TNR: variants seen among roughly 807,000 people sequenced by gnomAD.
TNR encodes the protein tenascin-R.
TNR carries 45 observed loss-of-function variants against 150.4 expected under a neutral mutation model. The observed-to-expected ratio is 0.30, with a 90% CI of 0.24 to 0.38. TNR has a LOEUF of 0.38. Ranked by LOEUF, TNR falls within the 10% of genes least tolerant of loss-of-function variation. TNR has a pLI of 1.00. For synonymous variants in TNR, 687 were observed against 678.4 expected, an observed-to-expected ratio of 1.01 and a Z score of -0.20; for missense variants, 1,544 against 1,759.1, an observed-to-expected ratio of 0.88 and a Z score of 2.19.
At chr1:175,439,783 A>T (rs552523255) in intron 2 of TNR, among the ~76,000 whole-genome samples, 1 of 152,392 alleles carries the variant, frequency 6.6e-6, no homozygotes, top group South Asian at 2.1e-4. Flanking sequence ...AGTGCTCATC[A>T]TCACTGGCCA....
chr1:175,343,007 C>T (rs1650600117), intron 18 of TNR, among the ~76,000 whole-genome samples: 1 of 152,154 alleles, frequency 6.6e-6, no homozygotes, highest in Admixed American at 6.5e-5. Context: ...CAAGGGAGGG[C>T]TGGGTCCTGA....
chr1:175,458,908 G>A (rs774517207), intron 2 of TNR, among the ~76,000 whole-genome samples: 53 of 151,180 alleles, frequency 3.5e-4, no homozygotes, highest in Middle Eastern at 3.4e-3. Flanking sequence ...TGTCATCATC[G>A]CTTCTACCAC....
intron 2 of TNR, among the ~76,000 whole-genome samples, chr1:175,496,085 T>C (rs191302618): frequency 6.6e-6 from 1 of 152,322 alleles, no homozygotes; most frequent in East Asian, 1.9e-4. Context: ...TTGCATTGTT[T>C]CTCTATATAG....
In TNR at chr1:175,515,102, T is replaced by G. The variant is rs537004887; in HGVS notation, c.-64+13167A>C. Among the ~76,000 whole-genome samples the G allele has an allele frequency of 4.6e-5, 7 of 152,366 alleles. No individual in the cohort carries two copies. The East Asian group carries it at 9.6e-4, about 21-fold the overall frequency. Reference sequence around the variant, plus strand: ...CTTTTAAAATGCTTCTGCCCAGAGCTGGAGAATGGAAGTGTGGCTGCTGGA... The same window carrying G: ...CTTTTAAAATGCTTCTGCCCAGAGCGGGAGAATGGAAGTGTGGCTGCTGGA... On this transcript the variant is annotated intron_variant, in intron 2 of 22. Coordinates refer to ENST00000367674, the MANE Select transcript of TNR (RefSeq NM_003285.3).
chr1:175,682,075 T>C (rs1220376063), intron 1 of TNR, among the ~76,000 whole-genome samples: 1 of 152,174 alleles, frequency 6.6e-6, no homozygotes, highest in Admixed American at 6.5e-5. Flanking sequence ...CTCAACAGCA[T>C]AAGGATGGTT....
In TNR at chr1:175,330,123, G is replaced by T; in HGVS notation, c.3744C>A (p.Asp1248Glu). The T allele has an allele frequency of 6.2e-7, 1 of 1,612,666 alleles. No homozygotes were observed. Among genetic ancestry groups the T allele is most frequent in the Non-Finnish European group, 8.5e-7 (1 of 1,178,826 alleles). The change falls in exon 21 of 23, where the codon GAC becomes GAA. Residue 1248 changes from aspartate to glutamate, a missense_variant. By Grantham distance (45) the Asp-to-Glu change is conservative. Coordinates refer to ENST00000367674, the MANE Select transcript of TNR (RefSeq NM_003285.3). ...TGCGGAGTTTGTACAGGTTTCTGCTGTCCTCGACAGAGAACCTGTCGTAGG... is the reference window on the plus strand; with the variant it reads ...TGCGGAGTTTGTACAGGTTTCTGCTTTCCTCGACAGAGAACCTGTCGTAGG... ...FASYDRFSVE[D>E]SRNLYKLRIG...
chr1:175,712,902 A>G (rs1667056104), intron 1 of TNR, among the ~76,000 whole-genome samples: 1 of 152,186 alleles, frequency 6.6e-6, no homozygotes, highest in South Asian at 2.1e-4. Context: ...GAATGAAAGA[A>G]TGGCTAGTAC....
intron 1 of TNR, among the ~76,000 whole-genome samples, chr1:175,651,572 A>T (rs1490343131): frequency 6.6e-6 from 1 of 152,066 alleles, no homozygotes; most frequent in Non-Finnish European, 1.5e-5. Flanking sequence ...TACAGATATT[A>T]TAATGGTAAT....
At chr1:175,601,687 G>C (rs1021507691) in intron 1 of TNR, among the ~76,000 whole-genome samples, 16 of 152,194 alleles carry the variant, frequency 1.1e-4, no homozygotes, top group African/African-American at 3.1e-4. Context: ...GCCAGGGCCT[G>C]AGTTAAGCAA....
intron 1 of TNR, among the ~76,000 whole-genome samples, chr1:175,700,827 A>G (rs886682094): frequency 3.3e-5 from 5 of 152,176 alleles, no homozygotes; most frequent in African/African-American, 1.2e-4. Context: ...TTCACGTCCC[A>G]CCAGATTCTC....
intron 9 of TNR, among the ~76,000 whole-genome samples, chr1:175,368,602 C>T (rs1483633694): frequency 8.5e-5 from 13 of 152,202 alleles, no homozygotes; most frequent in Non-Finnish European, 1.3e-4. Context: ...GCTATTTCAT[C>T]TATTACAACT....
chr1:175,426,502 T>A (rs905534148), intron 2 of TNR, among the ~76,000 whole-genome samples: 5 of 152,080 alleles, frequency 3.3e-5, no homozygotes, highest in African/African-American at 1.2e-4. Context: ...TTGCAAAGTT[T>A]CCACGGGCAG....
At chr1:175,464,879 A>G (rs1433767061) in intron 2 of TNR, among the ~76,000 whole-genome samples, 1 of 152,076 alleles carries the variant, frequency 6.6e-6, no homozygotes, top group African/African-American at 2.4e-5. Context: ...AAGGAGTTTC[A>G]CCACCAGTTC....
chr1:175,519,870 G>A (rs1215593480), intron 2 of TNR, among the ~76,000 whole-genome samples: 1 of 152,176 alleles, frequency 6.6e-6, no homozygotes. Context: ...TTTCCTTCCT[G>A]GTGTCTGGCT....
At chr1:175,509,565 A>T (rs1286117365) in intron 2 of TNR, among the ~76,000 whole-genome samples, 1 of 152,028 alleles carries the variant, frequency 6.6e-6, no homozygotes, top group East Asian at 1.9e-4. Context: ...AGTTTTTTTC[A>T]TGGCACTTCC....
At chr1:175,444,056 T>A (rs1234478483) in intron 2 of TNR, among the ~76,000 whole-genome samples, 2 of 152,164 alleles carry the variant, frequency 1.3e-5, no homozygotes, top group Admixed American at 6.5e-5. Context: ...CTGTGTCCAT[T>A]AAATCTAGAT....
At chr1:175,418,822 A>G (rs1301969146) in intron 2 of TNR, among the ~76,000 whole-genome samples, 2 of 152,124 alleles carry the variant, frequency 1.3e-5, no homozygotes, top group South Asian at 2.1e-4. Flanking sequence ...GGGTGATTGT[A>G]TTCAGGGATG....
intron 11 of TNR, among the ~76,000 whole-genome samples, chr1:175,365,559 A>G (rs1336199297): frequency 6.6e-6 from 1 of 152,196 alleles, no homozygotes; most frequent in East Asian, 1.9e-4. Context: ...AATGAATTTT[A>G]TATGATCCCA....
chr1:175,613,915 C>T (rs1663681796), intron 1 of TNR, among the ~76,000 whole-genome samples: 1 of 152,134 alleles, frequency 6.6e-6, no homozygotes, highest in African/African-American at 2.4e-5. Context: ...TTATGGTATC[C>T]TGAGAAAGGA....
Sources: allele counts gnomAD v4.1 joint callset (sites outside exome capture counted in the v4.1 genomes callset), GRCh38; gene constraint gnomAD v4.1.1; transcripts MANE v1.5; gene names NCBI Gene and HGNC (gene_info 2026-07-23, HGNC 2026-07-21).